The following FBXO43 variants were observed in gnomAD, a reference collection of about 807,000 sequenced individuals.
FBXO43 encodes the protein F-box protein 43, also known as F-box only protein 43.
A neutral mutation model predicts 56.7 loss-of-function variants in FBXO43; 22 were observed. The observed-to-expected ratio is 0.39, with a 90% CI of 0.28 to 0.55. The LOEUF is 0.55. FBXO43 is among the 20% of genes least tolerant of loss of function. FBXO43 has a pLI of 0.66. For missense variants in FBXO43, 733 were observed against 814.9 expected (o/e 0.90, Z 1.22); for synonymous variants, 306 against 294.5 (o/e 1.04, Z -0.40).
rs1814397794 is a variant in FBXO43, at chr8:100,134,247, T to G, written c.1792A>C (p.Thr598Pro). ...IPGSQREQGS[T>P]LSPWGEVLTP... ...AAAACTTCTCCCCAGGGAGATAATG[T>G]TGACCCTTGCTCTCTCTGAGAACCA... The change falls in exon 4 of 5, where the codon ACA (threonine) becomes CCA (proline). Residue 598 changes from threonine to proline, a missense_variant. Thr to Pro is a conservative substitution (Grantham distance 38). Coordinates refer to ENST00000428847, the MANE Select transcript of FBXO43 (RefSeq NM_001029860.4). The G allele has an allele frequency of 1.9e-6, 3 of 1,614,078 alleles. No individual in the cohort carries two copies. The highest frequency in any genetic ancestry group is 2.5e-6 in the Non-Finnish European group (3 of 1,180,044).
At chr8:100,137,811 G>T in intron 2 of FBXO43, 144 bp from the exon 3 acceptor site, 1 of 614,992 alleles carries the variant, frequency 1.6e-6, no homozygotes, top group Non-Finnish European at 2.9e-6. Flanking sequence ...AATGTGACTT[G>T]GTCAACATTG....
upstream of FBXO43, among the ~76,000 whole-genome samples, chr8:100,147,150 T>C (rs1814847928): frequency 6.6e-6 from 1 of 152,010 alleles, no homozygotes; most frequent in African/African-American, 2.4e-5. Flanking sequence ...GCCCGTCCAC[T>C]AACAGTTATT....
intron 1 of FBXO43, among the ~76,000 whole-genome samples, chr8:100,143,496 T>G (rs889438042): frequency 2.6e-5 from 4 of 152,260 alleles, no homozygotes; most frequent in Admixed American, 1.3e-4. Context: ...TCTATACTCG[T>G]TTTTGATAAA....
intron 2 of FBXO43, among the ~76,000 whole-genome samples, chr8:100,139,789 A>AAGTAAT: frequency 6.6e-6 from 1 of 152,344 alleles, no homozygotes; most frequent in East Asian, 1.9e-4. Flanking sequence ...AAATTCCCCA[A>AAGTAAT]AGTAATTAAC....
At chr8:100,148,628 G>T (rs913278763), upstream of FBXO43, among the ~76,000 whole-genome samples, 5 of 152,188 alleles carry the variant, frequency 3.3e-5, no homozygotes, top group African/African-American at 1.2e-4. Context: ...AGCCAGGATG[G>T]TCTTGAACTC....
intron 1 of FBXO43, among the ~76,000 whole-genome samples, chr8:100,144,795 G>A (rs534251960): frequency 3.7e-4 from 56 of 151,854 alleles, no homozygotes; most frequent in South Asian, 1.0e-3. Flanking sequence ...ATCCGGGCGT[G>A]GTGGCGGGCG....
At chr8:100,146,322 C>A (rs990252215), upstream of FBXO43, among the ~76,000 whole-genome samples, 2 of 152,124 alleles carry the variant, frequency 1.3e-5, no homozygotes, top group African/African-American at 4.8e-5. Flanking sequence ...GATAAAAAAG[C>A]TGAGCCGGGC....
At chr8:100,136,024 G>A (rs1363287137) in intron 3 of FBXO43, among the ~76,000 whole-genome samples, 1 of 151,920 alleles carries the variant, frequency 6.6e-6, no homozygotes, top group East Asian at 1.9e-4. Flanking sequence ...GAGTTAAGGA[G>A]TATATGGAGC....
Position 100,141,835 on chromosome 8 carries a change from T to A in FBXO43, c.419A>T (p.Glu140Val). ...LPRKEKDKTP[E>V]LCETPKISGK... Reference sequence around the variant, plus strand: ...ACTGATTTTAGGTGTTTCACAAAGTTCTGGGGTTTTATCCTTTTCCTTTCT... The same window carrying A: ...ACTGATTTTAGGTGTTTCACAAAGTACTGGGGTTTTATCCTTTTCCTTTCT... The change falls in exon 2 of 5, where the codon GAA becomes GTA. Residue 140 changes from glutamate to valine, a missense_variant. Coordinates refer to ENST00000428847, the MANE Select transcript of FBXO43 (RefSeq NM_001029860.4). 1 of 1,589,492 alleles carries A rather than the reference T, an allele frequency of 6.3e-7. No individual in the cohort carries two copies. The highest frequency in any genetic ancestry group is 8.5e-7 in the Non-Finnish European group (1 of 1,172,982).
In FBXO43 at chr8:100,133,774, G is replaced by A. The variant is rs750956758; in HGVS notation, c.*28C>T. The A allele has an allele frequency of 6.3e-7, 1 of 1,599,704 alleles. No individual in the cohort carries two copies. The highest frequency in any genetic ancestry group is 1.7e-4 in the Middle Eastern group (1 of 5,968). Reference sequence around the variant, plus strand: ...TTTTAAGTCAGATAAATAGAACACTGCATGGGGGAGTTCTATATTTAGTCT... The same window carrying A: ...TTTTAAGTCAGATAAATAGAACACTACATGGGGGAGTTCTATATTTAGTCT... On this transcript the variant is annotated 3_prime_UTR_variant, in exon 5 of 5. Transcript: ENST00000428847.
Position 100,141,766 on chromosome 8 carries a change from G to A in FBXO43, c.488C>T (p.Ala163Val). 1.3e-6 allele frequency: 2 copies of A among 1,592,058 alleles called. No individual in the cohort carries two copies. The highest frequency in any genetic ancestry group is 1.4e-5 in the African/African-American group (1 of 73,856). The change falls in exon 2 of 5, where the codon GCT becomes GTT. Residue 163 changes from alanine (A) to valine (V), a missense_variant. By Grantham distance (64) the Ala-to-Val change is moderately conservative. Coordinates refer to ENST00000428847, the MANE Select transcript of FBXO43 (RefSeq NM_001029860.4). ...TGATTCAAAGTCCCCTTTTAGAAGA[G>A]CGAAAGATACATTCAACCTTCTGCG... Reference protein sequence around the residue: ...LPRRRLNVSFALLKGDFESQN... With the variant: ...LPRRRLNVSFVLLKGDFESQN...
chr8:100,142,564 A>G (rs999496881), intron 1 of FBXO43, among the ~76,000 whole-genome samples: 1 of 151,876 alleles, frequency 6.6e-6, no homozygotes, highest in South Asian at 2.1e-4. Flanking sequence ...GTGCCAGCCT[A>G]TATTAGTCTA....
chr8:100,145,136 G>A lies in FBXO43; in HGVS notation c.-1C>T, dbSNP rs1563756507. 3 of 1,606,172 alleles carry A rather than the reference G, an allele frequency of 1.9e-6. No individual in the cohort carries two copies. Among genetic ancestry groups the A allele is most frequent in the Non-Finnish European group, 1.7e-6 (2 of 1,177,246 alleles). ...TCTCATCTTTGTCTTTAAAACTCATGCCAAAATAATGCCACTTAAAGAGGA... is the reference window on the plus strand; with the variant it reads ...TCTCATCTTTGTCTTTAAAACTCATACCAAAATAATGCCACTTAAAGAGGA... On this transcript the variant is annotated 5_prime_UTR_variant, in exon 1 of 5. Coordinates refer to ENST00000428847, the MANE Select transcript of FBXO43 (RefSeq NM_001029860.4).
chr8:100,141,743 A>G lies in FBXO43; in HGVS notation c.511T>C (p.Ser171Pro). Residue 171 changes from serine to proline, a missense_variant, in exon 2 of 5, where the codon TCA (serine) becomes CCA (proline). Physicochemically the swap from Ser to Pro is moderately conservative, Grantham distance 74. Coordinates refer to ENST00000428847, the MANE Select transcript of FBXO43 (RefSeq NM_001029860.4). ...SFALLKGDFE[S>P]QNSSLESSIS... ...CTACTTTCTAAAGAACTATTTTGTG[A>G]TTCAAAGTCCCCTTTTAGAAGAGCG... 1.3e-6 allele frequency: 2 copies of G among 1,595,532 alleles called. No individual in the cohort carries two copies.
upstream of FBXO43, among the ~76,000 whole-genome samples, chr8:100,148,054 T>C (rs1271240359): frequency 2.6e-5 from 4 of 152,160 alleles, no homozygotes; most frequent in African/African-American, 9.7e-5. Flanking sequence ...TAAAATCCCA[T>C]ATTATCTACT....
Position 100,133,627 on chromosome 8 carries a change from A to G in FBXO43, c.*175T>C. 1.5e-6 allele frequency: 1 copy of G among 688,468 alleles called. No homozygotes were observed. Among genetic ancestry groups the G allele is most frequent in the Non-Finnish European group, 2.2e-6 (1 of 461,506 alleles). 42.6% of individuals were successfully genotyped at this position (688,468 alleles called of 1,614,324 possible). On this transcript the variant is annotated 3_prime_UTR_variant, in exon 5 of 5. Coordinates refer to ENST00000428847, the MANE Select transcript of FBXO43 (RefSeq NM_001029860.4). ...GGGTAAAATGACATAGTAAAATAAA[A>G]TTTTTTCAAAACAACTTTAAAGAAA...
At position 100,133,719 on chromosome 8, in the gene FBXO43, A is replaced by G; in HGVS notation, c.*83T>C. The G allele has an allele frequency of 1.5e-6, 2 of 1,350,668 alleles. No individual in the cohort carries two copies. Among genetic ancestry groups the G allele is most frequent in the Non-Finnish European group, 2.0e-6 (2 of 996,878 alleles). 83.7% of individuals were successfully genotyped at this position (1,350,668 alleles called of 1,614,324 possible). On this transcript the variant is annotated 3_prime_UTR_variant, in exon 5 of 5. Transcript: ENST00000428847. ...TTAATCATCACCTGTCATTAATGGG[A>G]AGATTTGCATGTATTCAAAATATTC...
upstream of FBXO43, among the ~76,000 whole-genome samples, chr8:100,146,075 A>T (rs1210835132): frequency 6.6e-6 from 1 of 152,244 alleles, no homozygotes; most frequent in Non-Finnish European, 1.5e-5. Context: ...GTGGGATGCC[A>T]TTAGAAATCA....
upstream of FBXO43, among the ~76,000 whole-genome samples, chr8:100,150,199 C>T (rs1814893553): frequency 6.6e-6 from 1 of 152,234 alleles, no homozygotes; most frequent in South Asian, 2.1e-4. Context: ...TAGGAGGCAG[C>T]TGCCCCACTG....
Sources: gnomAD v4.1 joint callset for allele counts (sites outside exome capture counted in the v4.1 genomes callset) on GRCh38, gnomAD v4.1.1 for gene constraint, MANE v1.5 for transcripts, NCBI Gene and HGNC (gene_info 2026-07-23, HGNC 2026-07-21) for gene names.